DLGAP2: variants seen among roughly 807,000 people sequenced by gnomAD.
DLGAP2 encodes the protein DLG associated protein 2, also known as disks large-associated protein 2.
DLGAP2 carries 26 observed loss-of-function variants against 100.3 expected under a neutral mutation model. The observed-to-expected ratio is 0.26, with a 90% CI of 0.19 to 0.36. DLGAP2 has a LOEUF of 0.36. Ranked by LOEUF, DLGAP2 falls within the 10% of genes least tolerant of loss-of-function variation. DLGAP2 has a pLI of 1.00. For synonymous variants in DLGAP2, 886 were observed against 630.1 expected (o/e 1.41, Z -6.08); for missense variants, 1,858 against 1,453.2 (o/e 1.28, Z -4.53).
chr8:1,078,710 T>C (rs2129038949), intron 2 of DLGAP2, among the ~76,000 whole-genome samples: 1 of 152,366 alleles, frequency 6.6e-6, no homozygotes, highest in East Asian at 1.9e-4. Context: ...GCATTTAATT[T>C]TCTTCCTTGT....
At chr8:1,316,572 A>G (rs1276001715) in intron 3 of DLGAP2, among the ~76,000 whole-genome samples, 4 of 127,564 alleles carry the variant, frequency 3.1e-5, no homozygotes, top group Non-Finnish European at 6.6e-5. Flanking sequence ...GCGTCTCTCC[A>G]ACAGTGGTCT....
intron 1 of DLGAP2, among the ~76,000 whole-genome samples, chr8:853,067 A>G (rs555209734): frequency 6.6e-6 from 1 of 152,238 alleles, no homozygotes; most frequent in African/African-American, 2.4e-5. Flanking sequence ...TGCTTAGTTT[A>G]TAATAGCTGG....
intron 1 of DLGAP2, among the ~76,000 whole-genome samples, chr8:878,800 C>T (rs1362847541): frequency 1.3e-5 from 2 of 152,232 alleles, no homozygotes; most frequent in East Asian, 3.8e-4. Context: ...TCCCCTCCTA[C>T]TTCTCTACCA....
intron 2 of DLGAP2, among the ~76,000 whole-genome samples, chr8:1,236,989 C>G (rs1391444231): frequency 1.9e-4 from 28 of 151,234 alleles, no homozygotes; most frequent in African/African-American, 6.3e-4. Context: ...CTAGTTCTCT[C>G]TCACACATAG....
chr8:796,387 C>T (rs1433252291), intron 1 of DLGAP2, among the ~76,000 whole-genome samples: 1 of 152,050 alleles, frequency 6.6e-6, no homozygotes, highest in Non-Finnish European at 1.5e-5. Flanking sequence ...TTCTGCCTTT[C>T]ACGGTACCCT....
chr8:1,214,318 G>A (rs934106554), intron 2 of DLGAP2, among the ~76,000 whole-genome samples: 5 of 152,298 alleles, frequency 3.3e-5, no homozygotes, highest in South Asian at 2.1e-4. Flanking sequence ...CTGCGGCCCC[G>A]CCACTCAGGT....
chr8:1,574,100 A>G (rs911078065), intron 6 of DLGAP2, among the ~76,000 whole-genome samples: 2 of 152,316 alleles, frequency 1.3e-5, no homozygotes, highest in East Asian at 3.9e-4. Context: ...TCAGCCCTGC[A>G]CAGAGCAGGA....
intron 3 of DLGAP2, among the ~76,000 whole-genome samples, chr8:1,467,370 C>A (rs1297080073): frequency 6.6e-6 from 1 of 151,690 alleles, no homozygotes; most frequent in Non-Finnish European, 1.5e-5. Flanking sequence ...CACGGCCCCC[C>A]ACAGCCCCCC....
At chr8:1,547,619 G>A (rs574139347) in intron 4 of DLGAP2, among the ~76,000 whole-genome samples, 39 of 152,252 alleles carry the variant, frequency 2.6e-4, no homozygotes, top group African/African-American at 8.9e-4. Flanking sequence ...TCACCCCAGC[G>A]CCCAGCCGCC....
At chr8:1,216,154 G>T (rs73670679) in intron 2 of DLGAP2, among the ~76,000 whole-genome samples, 6 of 152,004 alleles carry the variant, frequency 3.9e-5, no homozygotes, top group Non-Finnish European at 8.8e-5. Flanking sequence ...GTGTGTGTTC[G>T]CATGTTTGCA....
chr8:1,065,560 A>G (rs1803219027), intron 2 of DLGAP2, among the ~76,000 whole-genome samples: 1 of 152,218 alleles, frequency 6.6e-6, no homozygotes, highest in Non-Finnish European at 1.5e-5. Context: ...CCTCTGTAAA[A>G]TGTGGCTCTG....
At chr8:1,480,010 C>G (rs1403423887) in intron 3 of DLGAP2, among the ~76,000 whole-genome samples, 1 of 152,188 alleles carries the variant, frequency 6.6e-6, no homozygotes, top group Admixed American at 6.5e-5. Flanking sequence ...TTAGTCCTCA[C>G]CAGCCCCTGT....
intron 2 of DLGAP2, among the ~76,000 whole-genome samples, chr8:1,197,566 G>T (rs1188801683): frequency 6.6e-6 from 1 of 152,188 alleles, no homozygotes; most frequent in East Asian, 1.9e-4. Context: ...GTAGCATCCA[G>T]GCCACCAGCT....
At chr8:1,156,049 C>T (rs7817250) in intron 2 of DLGAP2, among the ~76,000 whole-genome samples, 119,062 of 152,020 alleles carry the variant, frequency 0.78, 48,015 homozygotes, top group Non-Finnish European at 0.87. Flanking sequence ...GACACCCGCA[C>T]GGCTGATGCC....
rs913960683 is a variant in DLGAP2, at chr8:1,171,713, T to C, written c.74-87138T>C. On this transcript the variant is annotated intron_variant, in intron 2 of 14. Transcript: ENST00000637795. ...AGAGACTAGGATTGCAACCCCTGCC[T>C]TTTTTTGTTTTCCATTGGCTTGGTA... Among the ~76,000 whole-genome samples, 30 of 151,958 alleles carry C rather than the reference T, an allele frequency of 2.0e-4. 1 individual carries two copies. The highest frequency in any genetic ancestry group is 7.4e-5 in the Non-Finnish European group (5 of 67,920).
intron 5 of DLGAP2, among the ~76,000 whole-genome samples, chr8:1,551,091 T>C (rs181997037): frequency 6.6e-6 from 1 of 152,340 alleles, no homozygotes; most frequent in East Asian, 1.9e-4. Context: ...TCTCAACAGC[T>C]CTGTTTTGAA....
chr8:882,293 C>A (rs568757377), intron 1 of DLGAP2, among the ~76,000 whole-genome samples: 1 of 150,404 alleles, frequency 6.6e-6, no homozygotes, highest in African/African-American at 2.4e-5. Flanking sequence ...GGCACCTCTC[C>A]CTGCGGAGGC....
chr8:950,448 A>G (rs577422442), intron 2 of DLGAP2, among the ~76,000 whole-genome samples: 30 of 152,306 alleles, frequency 2.0e-4, no homozygotes, highest in Admixed American at 3.3e-4. Context: ...TGTCACTTGC[A>G]GCACCATTTA....
rs757591448 is a variant in DLGAP2 at position 1,501,416 on chromosome 8, G to A, written c.157G>A (p.Ala53Thr). 22 of 1,535,658 alleles carry A rather than the reference G, an allele frequency of 1.4e-5. No homozygotes were observed. The highest frequency in any genetic ancestry group is 1.7e-5 in the Non-Finnish European group (19 of 1,146,730). Residue 53 changes from alanine to threonine, a missense_variant, in exon 4 of 15, where the codon GCA (alanine) becomes ACA (threonine). By Grantham distance (58) the Ala-to-Thr change is moderately conservative. Coordinates refer to ENST00000637795, the MANE Select transcript of DLGAP2 (RefSeq NM_001346810.2). ...GCCGGGCATCAGCTTTCCGGGGCCGGCAGAGGAGGATCTAGGTAGAGTACA... is the reference window on the plus strand; with the variant it reads ...GCCGGGCATCAGCTTTCCGGGGCCGACAGAGGAGGATCTAGGTAGAGTACA... ...VQPGISFPGP[A>T]EEDLDPQYSW...
Sources: gnomAD v4.1 joint callset for allele counts (sites outside exome capture counted in the v4.1 genomes callset) on GRCh38, gnomAD v4.1.1 for gene constraint, MANE v1.5 for transcripts, NCBI Gene and HGNC (gene_info 2026-07-23, HGNC 2026-07-21) for gene names.